The following CHCHD3 variants were observed in gnomAD, a reference collection of about 807,000 sequenced individuals.
CHCHD3 encodes coiled-coil-helix-coiled-coil-helix domain containing 3, also known as MICOS complex subunit MIC19.
In CHCHD3, 20 loss-of-function variants were observed where a neutral mutation model predicts 38.2. That is an observed-to-expected ratio of 0.52 (90% CI 0.37 to 0.76). The LOEUF (loss-of-function observed/expected upper bound fraction) is 0.76, where lower values mean the gene tolerates loss of function less well. CHCHD3 is among the 30% of genes least tolerant of loss of function. The pLI, the probability that CHCHD3 is intolerant of heterozygous loss-of-function variation, is 0.00. For missense variants in CHCHD3, 245 were observed against 279.2 expected (o/e 0.88, Z 0.87); for synonymous variants, 82 against 100.0 (o/e 0.82, Z 1.07).
intron 4 of CHCHD3, among the ~76,000 whole-genome samples, chr7:132,887,987 A>T (rs558682105): frequency 6.6e-6 from 1 of 151,980 alleles, no homozygotes; most frequent in South Asian, 2.1e-4. Flanking sequence ...GGGTTGTTTA[A>T]ACTTCATTAC....
intron 2 of CHCHD3, among the ~76,000 whole-genome samples, chr7:133,029,944 T>C (rs528243716): frequency 1.6e-4 from 25 of 151,694 alleles, no homozygotes; most frequent in African/African-American, 6.1e-4. Context: ...CTGGTTGACA[T>C]CACTTTTGGT....
chr7:132,833,971 A>G (rs2117088382), intron 6 of CHCHD3, among the ~76,000 whole-genome samples: 1 of 152,278 alleles, frequency 6.6e-6, no homozygotes, highest in South Asian at 2.1e-4. Flanking sequence ...ATCAGATACA[A>G]TTAACTAAAT....
At chr7:132,806,152 T>C (rs1056306181) in intron 6 of CHCHD3, among the ~76,000 whole-genome samples, 24 of 151,944 alleles carry the variant, frequency 1.6e-4, no homozygotes, top group African/African-American at 5.8e-4. Context: ...TAACACAGCA[T>C]CACAAGGCTG....
At chr7:133,003,432 C>G (rs1812622788) in intron 3 of CHCHD3, among the ~76,000 whole-genome samples, 1 of 152,038 alleles carries the variant, frequency 6.6e-6, no homozygotes, top group East Asian at 1.9e-4. Flanking sequence ...GTTTTAAAAG[C>G]AAACAAGAAT....
chr7:132,796,274 G>A (rs949683223), intron 7 of CHCHD3, among the ~76,000 whole-genome samples, 168 bp downstream of exon 7: 3 of 152,112 alleles, frequency 2.0e-5, no homozygotes, highest in Non-Finnish European at 4.4e-5. Flanking sequence ...GACAATGATC[G>A]GACACAAGTT....
intron 2 of CHCHD3, among the ~76,000 whole-genome samples, chr7:133,045,447 C>A (rs1813957197): frequency 6.6e-6 from 1 of 152,150 alleles, no homozygotes; most frequent in Non-Finnish European, 1.5e-5. Flanking sequence ...GACAGTCACC[C>A]TCATTAAAAC....
At chr7:132,903,959 T>C (rs1809731371) in intron 4 of CHCHD3, among the ~76,000 whole-genome samples, 1 of 152,124 alleles carries the variant, frequency 6.6e-6, no homozygotes, top group Non-Finnish European at 1.5e-5. Flanking sequence ...TTCTCAGCTA[T>C]CAAAAATACT....
At chr7:132,824,368 G>A (rs1434418983) in intron 6 of CHCHD3, among the ~76,000 whole-genome samples, 1 of 135,346 alleles carries the variant, frequency 7.4e-6, no homozygotes, top group Non-Finnish European at 1.5e-5. Flanking sequence ...GCTCAGGCTG[G>A]AGTGCAGTGG....
intron 6 of CHCHD3, among the ~76,000 whole-genome samples, chr7:132,829,410 TATTG>T (rs1484859695): frequency 2.0e-5 from 3 of 152,158 alleles, no homozygotes; most frequent in Admixed American, 1.3e-4. Flanking sequence ...TAATGGATCG[TATTG>T]ATTAAGAAGA....
At chr7:133,004,635 A>G (rs1812654233) in intron 3 of CHCHD3, among the ~76,000 whole-genome samples, 1 of 152,246 alleles carries the variant, frequency 6.6e-6, no homozygotes, top group Non-Finnish European at 1.5e-5. Context: ...GACACTAACT[A>G]AAGACACTGA....
At chr7:132,874,029 A>C (rs959427197) in intron 5 of CHCHD3, among the ~76,000 whole-genome samples, 1 of 152,200 alleles carries the variant, frequency 6.6e-6, no homozygotes, top group Admixed American at 6.5e-5. Flanking sequence ...AATTTGGAAG[A>C]TGCATCTCTA....
chr7:133,061,650 C>G (rs1439529159), intron 2 of CHCHD3, among the ~76,000 whole-genome samples: 2 of 152,128 alleles, frequency 1.3e-5, no homozygotes, highest in South Asian at 4.1e-4. Context: ...GTTTCAAACA[C>G]CTTGTATCTT....
intron 3 of CHCHD3, among the ~76,000 whole-genome samples, chr7:132,979,415 G>A (rs374577546): frequency 6.6e-6 from 1 of 152,316 alleles, no homozygotes; most frequent in East Asian, 1.9e-4. Flanking sequence ...GAATGAAGTA[G>A]TGAGCAAGAG....
At chr7:132,895,946 A>T (rs887176579) in intron 4 of CHCHD3, among the ~76,000 whole-genome samples, 2 of 152,364 alleles carry the variant, frequency 1.3e-5, no homozygotes, top group East Asian at 1.9e-4. Flanking sequence ...TACTTAAAAG[A>T]ACAGAAAACT....
At chr7:132,928,629 G>A (rs1238198793) in intron 4 of CHCHD3, among the ~76,000 whole-genome samples, 1 of 152,022 alleles carries the variant, frequency 6.6e-6, no homozygotes, top group African/African-American at 2.4e-5. Flanking sequence ...CCTGGGAGGC[G>A]GAGGTTGCAG....
At chr7:132,851,785 A>G (rs1808224246) in intron 5 of CHCHD3, among the ~76,000 whole-genome samples, 1 of 152,242 alleles carries the variant, frequency 6.6e-6, no homozygotes. Flanking sequence ...GAAGTGCTCA[A>G]TGAGGTGATG....
intron 2 of CHCHD3, among the ~76,000 whole-genome samples, chr7:133,069,039 A>T (rs766851225): frequency 6.6e-6 from 1 of 152,132 alleles, no homozygotes; most frequent in South Asian, 2.1e-4. Context: ...AAGATTACTT[A>T]GTAGAAATCA....
At chr7:133,060,966 A>T (rs1042926425) in intron 2 of CHCHD3, among the ~76,000 whole-genome samples, 3 of 152,122 alleles carry the variant, frequency 2.0e-5, no homozygotes, top group African/African-American at 7.2e-5. Context: ...CTACAATATG[A>T]CTAGACAAAG....
At chr7:132,954,368 T>TA (rs2117293109) in intron 4 of CHCHD3, among the ~76,000 whole-genome samples, 1 of 152,286 alleles carries the variant, frequency 6.6e-6, no homozygotes, top group Non-Finnish European at 1.5e-5. Flanking sequence ...ATGGCTCTGT[T>TA]ACAAGAGGAA....
Sources: gnomAD v4.1 joint callset for allele counts (sites outside exome capture counted in the v4.1 genomes callset) on GRCh38, gnomAD v4.1.1 for gene constraint, MANE v1.5 for transcripts, NCBI Gene and HGNC (gene_info 2026-07-23, HGNC 2026-07-21) for gene names.